The following MYT1L variants were observed in gnomAD, a reference collection of about 807,000 sequenced individuals.
MYT1L encodes the protein myelin transcription factor 1 like, also known as myelin transcription factor 1-like protein.
In MYT1L, 12 loss-of-function variants were observed where a neutral mutation model predicts 126.7. That is an observed-to-expected ratio of 0.09 (90% CI 0.06 to 0.15). The LOEUF (loss-of-function observed/expected upper bound fraction) is 0.15. MYT1L is among the 10% of genes least tolerant of loss of function. The probability of loss-of-function intolerance (pLI) is 1.00; values close to 1 mark genes in which losing one functional copy is unlikely to be tolerated. For synonymous variants in MYT1L, 541 were observed against 604.2 expected, an observed-to-expected ratio of 0.90 and a Z score of 1.53; for missense variants, 979 against 1,585.2, an observed-to-expected ratio of 0.62 and a Z score of 6.49.
At chr2:2,121,045 G>A (rs1464544708) in intron 3 of MYT1L, among the ~76,000 whole-genome samples, 4 of 152,188 alleles carry the variant, frequency 2.6e-5, no homozygotes, top group Non-Finnish European at 4.4e-5. Context: ...TTGCTCGGCG[G>A]AAGTCAAGGA....
chr2:2,220,013 A>C (rs952685207), intron 2 of MYT1L, among the ~76,000 whole-genome samples: 1 of 152,212 alleles, frequency 6.6e-6, no homozygotes, highest in African/African-American at 2.4e-5. Context: ...GAAGGGACAC[A>C]GGACAGGGGA....
At chr2:2,309,693 T>A (rs969251009) in intron 1 of MYT1L, among the ~76,000 whole-genome samples, 2 of 151,336 alleles carry the variant, frequency 1.3e-5, no homozygotes, top group Non-Finnish European at 3.0e-5. Context: ...ACTTTACTCT[T>A]CTCTACCTAT....
At chr2:1,988,398 G>T (rs1033483860) in intron 5 of MYT1L, among the ~76,000 whole-genome samples, 2 of 152,246 alleles carry the variant, frequency 1.3e-5, no homozygotes, top group Admixed American at 1.3e-4. Context: ...GGGCCCTGTA[G>T]TGGGCAGTAT....
Position 1,917,175 on chromosome 2 carries a change from C to T in MYT1L, c.1618+30G>A. On this transcript the variant is annotated intron_variant, in intron 11 of 24. Coordinates refer to ENST00000647738, the MANE Select transcript of MYT1L (RefSeq NM_001303052.2). This position sits in a 1 kb window ranked among gnomAD's most constrained non-coding sequence, Gnocchi z 5.9. ...AGACAGAGTCATGGGTGTTTGCACC[C>T]CCAAGGGTAGCGGTGAGACGTGGAC... 1 of 1,602,904 alleles carries T rather than the reference C, an allele frequency of 6.2e-7. No homozygotes were observed. The highest frequency in any genetic ancestry group is 8.5e-7 in the Non-Finnish European group (1 of 1,172,100).
At chr2:1,856,346 C>T (rs566825108) in intron 18 of MYT1L, among the ~76,000 whole-genome samples, 1 of 152,330 alleles carries the variant, frequency 6.6e-6, no homozygotes, top group East Asian at 1.9e-4. Context: ...GCATTGACCA[C>T]ACGTCCATGG....
chr2:1,903,371 G>A (rs764263918), intron 13 of MYT1L, 77 bp from the exon 14 acceptor site: 25 of 1,167,308 alleles, frequency 2.1e-5, no homozygotes, highest in Non-Finnish European at 2.7e-5. Context: ...ATTAAAACTA[G>A]AATATCTTAC....
Position 1,912,129 on chromosome 2 carries a change from A to G in MYT1L, c.1619-19T>C, listed in dbSNP as rs1172778780. The G allele has an allele frequency of 1.3e-6, 2 of 1,545,692 alleles. No individual in the cohort carries two copies. Among genetic ancestry groups the G allele is most frequent in the Non-Finnish European group, 1.8e-6 (2 of 1,130,370 alleles). On this transcript the variant is annotated intron_variant, in intron 11 of 24. Coordinates refer to ENST00000647738, the MANE Select transcript of MYT1L (RefSeq NM_001303052.2). This position sits in a 1 kb window ranked among gnomAD's most constrained non-coding sequence, Gnocchi z 4.3. ...GCAAGGACTTGACAGGGAGAGGCAA[A>G]GAGAACAGCCAGTGTTAAAACAGAG...
At chr2:1,868,259 G>T (rs911247351) in intron 18 of MYT1L, among the ~76,000 whole-genome samples, 1 of 152,190 alleles carries the variant, frequency 6.6e-6, no homozygotes, top group Non-Finnish European at 1.5e-5. Context: ...CACCGCGCCC[G>T]GCCTTGGCTC....
rs2062800552 is a variant in MYT1L, at chr2:2,004,208, T to TATGTTCTTTCCTGCAG, written c.-157-6862_-157-6861insCTGCAGGAAAGAACAT. Among the ~76,000 whole-genome samples the TATGTTCTTTCCTGCAG allele has an allele frequency of 3.1e-5, 3 of 95,956 alleles. 1 individual carries two copies. Among genetic ancestry groups the TATGTTCTTTCCTGCAG allele is most frequent in the African/African-American group, 1.2e-4 (3 of 25,814 alleles). The allele number at this position is 95,956 out of a possible 152,430, so 63.0% of individuals were successfully genotyped here. A position where few individuals can be genotyped will look rare whatever the true frequency, so the allele number is the denominator to read the frequency against. On this transcript the variant is annotated intron_variant, in intron 4 of 24. Coordinates refer to ENST00000647738, the MANE Select transcript of MYT1L (RefSeq NM_001303052.2). The stretch of plus-strand genomic sequence containing the variant: ...TTTCCTGCAGGCGTTCTTTCCTGAA[T>TATGTTCTTTCCTGCAG]GTGTTCTTTCCTGCAGGCGTTCTTT...
chr2:2,137,767 A>G (rs1156804377), intron 3 of MYT1L, among the ~76,000 whole-genome samples: 1 of 151,972 alleles, frequency 6.6e-6, no homozygotes, highest in Non-Finnish European at 1.5e-5. Flanking sequence ...TACCATTCAG[A>G]ACATAGGCAC....
At chr2:1,958,554 T>C (rs1045697875) in intron 8 of MYT1L, among the ~76,000 whole-genome samples, 3 of 152,218 alleles carry the variant, frequency 2.0e-5, no homozygotes, top group Non-Finnish European at 2.9e-5. Flanking sequence ...TCGGGGGGCC[T>C]TGAAGAGGTG....
chr2:1,805,397 G>A (rs922901422), intron 22 of MYT1L, among the ~76,000 whole-genome samples: 6 of 152,280 alleles, frequency 3.9e-5, no homozygotes, highest in South Asian at 4.2e-4. Flanking sequence ...AAGCTGCTGC[G>A]CACTCTTGTT....
chr2:1,984,045 A>G (rs2060816799), intron 5 of MYT1L, among the ~76,000 whole-genome samples: 1 of 152,212 alleles, frequency 6.6e-6, no homozygotes, highest in Non-Finnish European at 1.5e-5. Flanking sequence ...TTTTGAGCCA[A>G]TAAAGCTGTC....
intron 3 of MYT1L, among the ~76,000 whole-genome samples, chr2:2,089,709 C>T (rs2076714966): frequency 6.6e-6 from 1 of 152,046 alleles, no homozygotes; most frequent in Non-Finnish European, 1.5e-5. Flanking sequence ...AGGTACAGAC[C>T]TGGTTCAGTT....
At chr2:2,167,146 G>C (rs2089282299) in intron 3 of MYT1L, among the ~76,000 whole-genome samples, 1 of 152,186 alleles carries the variant, frequency 6.6e-6, no homozygotes, top group South Asian at 2.1e-4. Flanking sequence ...CTGCGCTGCA[G>C]GTTTTACAGG....
intron 4 of MYT1L, among the ~76,000 whole-genome samples, chr2:2,034,056 G>A (rs964736548): frequency 1.3e-5 from 2 of 152,282 alleles, no homozygotes; most frequent in South Asian, 2.1e-4. Flanking sequence ...CCAGACTCCA[G>A]ACTAAGTAGC....
intron 2 of MYT1L, among the ~76,000 whole-genome samples, chr2:2,253,813 A>C (rs1443243486): frequency 6.6e-6 from 1 of 151,504 alleles, no homozygotes; most frequent in Admixed American, 6.6e-5. Context: ...GAAGCGGGGC[A>C]GGAGAGCAAG....
intron 3 of MYT1L, among the ~76,000 whole-genome samples, chr2:2,102,998 G>A (rs1358456770): frequency 1.3e-5 from 2 of 152,038 alleles, no homozygotes; most frequent in Non-Finnish European, 2.9e-5. Context: ...GGAAGTAGGA[G>A]ACACAGCATG....
intron 1 of MYT1L, among the ~76,000 whole-genome samples, chr2:2,329,281 A>C (rs2096270354): frequency 6.7e-6 from 1 of 148,628 alleles, no homozygotes; most frequent in African/African-American, 2.5e-5. Context: ...GAATCCAACC[A>C]AGATTGGTAA....
Sources: gnomAD v4.1 joint callset for allele counts (sites outside exome capture counted in the v4.1 genomes callset) on GRCh38, gnomAD v4.1.1 for gene constraint, Gnocchi (gnomAD v3.1) non-coding constraint, MANE v1.5 for transcripts, NCBI Gene and HGNC (gene_info 2026-07-23, HGNC 2026-07-21) for gene names.